The following COL7A1 variants were observed in gnomAD, a reference collection of about 807,000 sequenced individuals.
COL7A1 encodes the protein collagen alpha-1(VII) chain.
A neutral mutation model predicts 456.2 loss-of-function variants in COL7A1; 296 were observed. The observed-to-expected ratio is 0.65, with a 90% CI of 0.59 to 0.71. The LOEUF (loss-of-function observed/expected upper bound fraction) is 0.71, where lower values mean the gene tolerates loss of function less well. Among genes scored for constraint, COL7A1 ranks in the 30% least tolerant of loss-of-function variants. COL7A1 has a pLI of 0.00. For missense variants in COL7A1, 3,441 were observed against 4,017.2 expected (o/e 0.86, Z 3.88); for synonymous variants, 1,464 against 1,525.9 (o/e 0.96, Z 0.95).
Position 48,565,668 on chromosome 3 carries a change from G to A in COL7A1, c.8408C>T (p.Ala2803Val). The part of the protein sequence containing the change: ...FVRQEMSQHC[A>V]CQGQFIASGS... ...AGATGCGATGAACTGGCCCTGGCAGGCTAGAGGGGGCAGAGAGGGATAGAG... is the reference window on the plus strand; with the variant it reads ...AGATGCGATGAACTGGCCCTGGCAGACTAGAGGGGGCAGAGAGGGATAGAG... The change falls in exon 115 of 119, where the codon GCC becomes GTC. Residue 2803 changes from alanine to valine, a missense_variant and splice_region_variant. Coordinates refer to ENST00000681320, the MANE Select transcript of COL7A1 (RefSeq NM_000094.4). The surrounding 1 kb of genome is among the most constrained non-coding windows in gnomAD (Gnocchi z 4.5). 1 of 1,613,048 alleles carries A rather than the reference G, an allele frequency of 6.2e-7. No homozygotes were observed. The highest frequency in any genetic ancestry group is 8.5e-7 in the Non-Finnish European group (1 of 1,179,550).
At position 48,592,927 on chromosome 3, in the gene COL7A1, T is replaced by C; in HGVS notation, c.694A>G (p.Thr232Ala). ...VPVTRPPDDS[T>A]SAPRDLVLSE... The stretch of plus-strand genomic sequence containing the variant: ...AGCACCAGGTCTCGTGGAGCAGAGG[T>C]CGAGTCATCCGCTGGGAATGCGGGA... Residue 232 changes from threonine (T) to alanine (A), a missense_variant, in exon 7 of 119, where the codon ACC (threonine) becomes GCC (alanine). Transcript: ENST00000681320. This position sits in a 1 kb window ranked among gnomAD's most constrained non-coding sequence, Gnocchi z 7.6. 5 of 1,613,634 alleles carry C rather than the reference T, an allele frequency of 3.1e-6. No individual in the cohort carries two copies. The highest frequency in any genetic ancestry group is 4.2e-6 in the Non-Finnish European group (5 of 1,179,920).
Position 48,594,327 on chromosome 3 carries a change from T to C in COL7A1, c.266+41A>G. On this transcript the variant is annotated intron_variant, in intron 3 of 118. Transcript: ENST00000681320. The surrounding 1 kb of genome is among the most constrained non-coding windows in gnomAD (Gnocchi z 5.5). ...TCCCTCTCTGGGGAAGGAGTCTTGG[T>C]GGGGATCTCGTGGTCCCCAGCCCCC... 6.2e-7 allele frequency: 1 copy of C among 1,601,156 alleles called. No homozygotes were observed. Among genetic ancestry groups the C allele is most frequent in the Non-Finnish European group, 8.5e-7 (1 of 1,176,908 alleles).
chr3:48,565,595 GC>G lies in COL7A1; in HGVS notation c.8440+40del. Reference sequence around the variant, plus strand: ...GACCCCAGTTGATAGGCAGGGCAGGGCCTGGGGTGAAGAAAGTTCTGGGAGT... The same window carrying G: ...GACCCCAGTTGATAGGCAGGGCAGGGCTGGGGTGAAGAAAGTTCTGGGAGT... On this transcript the variant is annotated intron_variant, in intron 115 of 118. Transcript: ENST00000681320. The surrounding 1 kb of genome is among the most constrained non-coding windows in gnomAD (Gnocchi z 4.5). The G allele has an allele frequency of 6.2e-7, 1 of 1,614,124 alleles. No homozygotes were observed. Among genetic ancestry groups the G allele is most frequent in the South Asian group, 1.1e-5 (1 of 91,070 alleles).
In COL7A1 at chr3:48,576,236, A is replaced by T. The variant is rs377321753; in HGVS notation, c.5820+13T>A. 7 of 1,613,390 alleles carry T rather than the reference A, an allele frequency of 4.3e-6. No individual in the cohort carries two copies. The African/African-American group carries it at 9.3e-5, about 22-fold the overall frequency. On this transcript the variant is annotated intron_variant, in intron 71 of 118. Coordinates refer to ENST00000681320, the MANE Select transcript of COL7A1 (RefSeq NM_000094.4). ...CAAAACAGAGTCAAGGGGACATCCC[A>T]AGCCTGGCTCACCGGCACACTTCCA...
chr3:48,567,564 G>C lies in COL7A1; in HGVS notation c.8046+10C>G. On this transcript the variant is annotated intron_variant, in intron 109 of 118. Coordinates refer to ENST00000681320, the MANE Select transcript of COL7A1 (RefSeq NM_000094.4). This position sits in a 1 kb window ranked among gnomAD's most constrained non-coding sequence, Gnocchi z 4.3. ...CTCCCTGTCATGTCCACTGTCCACA[G>C]ACCCTGTACCTTGGGACCGATCAGG... 6.2e-7 allele frequency: 1 copy of C among 1,614,102 alleles called. No individual in the cohort carries two copies. The highest frequency in any genetic ancestry group is 1.3e-5 in the African/African-American group (1 of 75,018).
chr3:48,588,808 G>A lies in COL7A1; in HGVS notation c.2441-20C>T, dbSNP rs752010882. ...GGCCGCCTGGCCAGGTGGGCATACA[G>A]CAATGGTTAGGGGTGAGCAGTCCCA... On this transcript the variant is annotated intron_variant, in intron 19 of 118. Coordinates refer to ENST00000681320, the MANE Select transcript of COL7A1 (RefSeq NM_000094.4). The surrounding 1 kb of genome is among the most constrained non-coding windows in gnomAD (Gnocchi z 4.6). The A allele has an allele frequency of 1.2e-6, 2 of 1,613,618 alleles. No homozygotes were observed. The highest frequency in any genetic ancestry group is 2.2e-5 in the South Asian group (2 of 91,092).
In COL7A1 at chr3:48,569,487, G is replaced by A. The variant is rs976812521; in HGVS notation, c.7615-41C>T. On this transcript the variant is annotated intron_variant, in intron 102 of 118. Coordinates refer to ENST00000681320, the MANE Select transcript of COL7A1 (RefSeq NM_000094.4). The surrounding 1 kb of genome is among the most constrained non-coding windows in gnomAD (Gnocchi z 4.9). The stretch of plus-strand genomic sequence containing the variant: ...TAAGAAGTCACGGTAAGGGGCTGAA[G>A]GTCCCTCACCCTCTGGGAGTTTGAG... The A allele has an allele frequency of 1.8e-5, 29 of 1,612,934 alleles. No individual in the cohort carries two copies. The highest frequency in any genetic ancestry group is 6.7e-5 in the Admixed American group (4 of 60,026).
In COL7A1 at chr3:48,586,671, T is replaced by C. The variant is rs748846808; in HGVS notation, c.3295A>G (p.Ser1099Gly). Residue 1099 changes from serine to glycine, a missense_variant, in exon 26 of 119, where the codon AGT becomes GGT. By Grantham distance (56) the Ser-to-Gly change is moderately conservative. Coordinates refer to ENST00000681320, the MANE Select transcript of COL7A1 (RefSeq NM_000094.4). This position sits in a 1 kb window ranked among gnomAD's most constrained non-coding sequence, Gnocchi z 5.1. ...QAVQVGLLSY[S>G]HRPSPLFPLN... ...GGGAACAGTGGGGAGGGCCGATGAC[T>C]GTAAGACAGCAGGCCAACCTGGGGT... 3 of 1,601,416 alleles carry C rather than the reference T, an allele frequency of 1.9e-6. No homozygotes were observed.
At position 48,573,344 on chromosome 3, in the gene COL7A1, TC is replaced by T; in HGVS notation, c.6622del (p.Glu2208SerfsTer12). On this transcript the variant is annotated frameshift_variant, in exon 84 of 119. Transcript: ENST00000681320. LOFTEE classifies it high-confidence loss of function. The surrounding 1 kb of genome is among the most constrained non-coding windows in gnomAD (Gnocchi z 5.5). ...GPQGPSGLKGEPGETGPPGRG... is the reference protein window; with the variant it reads ...GPQGPSGLKGXPGETGPPGRG... ...TCCTGGAGGTCCTGTCTCTCCAGGC[TC>T]CCCCTGCAAACAACCCAGAGACTGC... The T allele has an allele frequency of 6.2e-7, 1 of 1,613,712 alleles. No individual in the cohort carries two copies. The highest frequency in any genetic ancestry group is 8.5e-7 in the Non-Finnish European group (1 of 1,179,958).
At position 48,581,137 on chromosome 3, in the gene COL7A1, AC is replaced by A. The variant is rs1057517722; in HGVS notation, c.4919del (p.Gly1640ValfsTer70). The A allele has an allele frequency of 1.4e-5, 23 of 1,613,720 alleles. No individual in the cohort carries two copies. The highest frequency in any genetic ancestry group is 1.9e-5 in the Non-Finnish European group (22 of 1,179,968). On this transcript the variant is annotated frameshift_variant, in exon 53 of 119. Transcript: ENST00000681320. LOFTEE classifies it high-confidence loss of function. The surrounding 1 kb of genome is among the most constrained non-coding windows in gnomAD (Gnocchi z 5.8). Reference protein sequence around the residue: ...RGRDGEVGEKGDEGPPGDPGL... With the variant: ...RGRDGEVGEKXDEGPPGDPGL... Reference sequence around the variant, plus strand: ...GGAGTCTCACCGGAGGACCCTCGTCACCTTTCTCTCCAACTTCACCCTGTGA... The same window carrying A: ...GGAGTCTCACCGGAGGACCCTCGTCACTTTCTCTCCAACTTCACCCTGTGA...
At chr3:48,595,046 C>A in intron 2 of COL7A1, 29 bp downstream of exon 2, 1 of 1,532,400 alleles carries the variant, frequency 6.5e-7, no homozygotes, top group East Asian at 2.5e-5. Context: ...TGCAGTGCCC[C>A]GGGCCGGGTC....
chr3:48,575,787 G>A lies in COL7A1; in HGVS notation c.5857-39C>T, dbSNP rs750754999. The stretch of plus-strand genomic sequence containing the variant: ...AGAGGTCAGAGGAGCGGGGTGCGTC[G>A]CCGCAGCCCCTATGCCTGTGGGCAC... On this transcript the variant is annotated intron_variant, in intron 72 of 118. Coordinates refer to ENST00000681320, the MANE Select transcript of COL7A1 (RefSeq NM_000094.4). The surrounding 1 kb of genome is among the most constrained non-coding windows in gnomAD (Gnocchi z 6.3). The A allele has an allele frequency of 1.4e-5, 23 of 1,613,854 alleles. No homozygotes were observed. Among genetic ancestry groups the A allele is most frequent in the Non-Finnish European group, 1.7e-5 (20 of 1,180,008 alleles).
In COL7A1 at chr3:48,573,847, GTACTCACCAC is replaced by G; in HGVS notation, c.6535_6537+7del. 6.2e-7 allele frequency: 1 copy of G among 1,613,974 alleles called. No homozygotes were observed. The highest frequency in any genetic ancestry group is 8.5e-7 in the Non-Finnish European group (1 of 1,179,994). On this transcript the variant is annotated splice_donor_variant and splice_donor_5th_base_variant and coding_sequence_variant and intron_variant, in exon 81 of 119. Transcript: ENST00000681320. LOFTEE classifies it high-confidence loss of function. The surrounding 1 kb of genome is among the most constrained non-coding windows in gnomAD (Gnocchi z 5.5). Reference sequence around the variant, plus strand: ...GGGCAAGACAGGTGAAGGTTCTTGGGTACTCACCACTGGGCCAGGGGGGCCTCTTGGACCC... The same window carrying G: ...GGGCAAGACAGGTGAAGGTTCTTGGGTGGGCCAGGGGGGCCTCTTGGACCC...
Position 48,579,484 on chromosome 3 carries a change from G to T in COL7A1, c.5267C>A (p.Pro1756Gln). The part of the protein sequence containing the change: ...GIEGFRGPPG[P>Q]QGDPGVRGPA... Reference sequence around the variant, plus strand: ...GGGGCAAAGTGCATCACTCACCTGTGGGCCTGGGGGTCCCCGAAACCCTTC... The same window carrying T: ...GGGGCAAAGTGCATCACTCACCTGTTGGCCTGGGGGTCCCCGAAACCCTTC... The change falls in exon 60 of 119, where the codon CCA becomes CAA. Residue 1756 changes from proline (P) to glutamine (Q), a missense_variant. By Grantham distance (76) the Pro-to-Gln change is moderately conservative. This residue lies in a region of COL7A1 where 2,084 missense variants were observed against 2,501.3 expected (regional missense o/e 0.83). Transcript: ENST00000681320. The surrounding 1 kb of genome is among the most constrained non-coding windows in gnomAD (Gnocchi z 4.4). 6.2e-7 allele frequency: 1 copy of T among 1,614,118 alleles called. No individual in the cohort carries two copies. Among genetic ancestry groups the T allele is most frequent in the Non-Finnish European group, 8.5e-7 (1 of 1,180,022 alleles).
chr3:48,565,588 G>C lies in COL7A1; in HGVS notation c.8440+48C>G, dbSNP rs771863426. ...CTGAGAGGACCCCAGTTGATAGGCA[G>C]GGCAGGGCCTGGGGTGAAGAAAGTT... is the stretch of plus-strand genomic sequence containing the variant. On this transcript the variant is annotated intron_variant, in intron 115 of 118. Coordinates refer to ENST00000681320, the MANE Select transcript of COL7A1 (RefSeq NM_000094.4). This position sits in a 1 kb window ranked among gnomAD's most constrained non-coding sequence, Gnocchi z 4.5. 5.0e-6 allele frequency: 8 copies of C among 1,613,982 alleles called. No individual in the cohort carries two copies. In the South Asian group the frequency reaches 6.6e-5, roughly 13 times the overall value.
chr3:48,591,154 A>G lies in COL7A1; in HGVS notation c.1636+310T>C, dbSNP rs115568792. ...GGTCAGTGCTGGATGGGGACATGCA[A>G]TGAGAGGTTGGTGTACAGTGGTCAC... On this transcript the variant is annotated intron_variant, in intron 13 of 118. Coordinates refer to ENST00000681320, the MANE Select transcript of COL7A1 (RefSeq NM_000094.4). The surrounding 1 kb of genome is among the most constrained non-coding windows in gnomAD (Gnocchi z 7.0). 1.5e-3 allele frequency among the ~76,000 whole-genome samples: 235 copies of G among 152,240 alleles called. No homozygotes were observed. The highest frequency in any genetic ancestry group is 5.1e-3 in the African/African-American group (212 of 41,544).
Position 48,579,289 on chromosome 3 carries a change from A to ATC in COL7A1, c.5308-13_5308-12insGA. The ATC allele has an allele frequency of 6.2e-7, 1 of 1,614,136 alleles. No homozygotes were observed. Among genetic ancestry groups the ATC allele is most frequent in the South Asian group, 1.1e-5 (1 of 91,080 alleles). On this transcript the variant is annotated splice_polypyrimidine_tract_variant and intron_variant, in intron 61 of 118. Coordinates refer to ENST00000681320, the MANE Select transcript of COL7A1 (RefSeq NM_000094.4). This position sits in a 1 kb window ranked among gnomAD's most constrained non-coding sequence, Gnocchi z 4.4. ...GGACCCCGGTCACCCTGTGGAAAAT[A>ATC]GAGTGGTAAGAGGCCACCAAGGCTG...
Position 48,586,814 on chromosome 3 carries a change from T to C in COL7A1, c.3277-125A>G, listed in dbSNP as rs1369228267. ...CTATCTATTAGGGAGTCAGCAGTGA[T>C]GGCAGGATAGGGAGCCAGGCAGTAG... On this transcript the variant is annotated intron_variant, in intron 25 of 118. Coordinates refer to ENST00000681320, the MANE Select transcript of COL7A1 (RefSeq NM_000094.4). This position sits in a 1 kb window ranked among gnomAD's most constrained non-coding sequence, Gnocchi z 5.1. 4 of 1,506,068 alleles carry C rather than the reference T, an allele frequency of 2.7e-6. No homozygotes were observed. The East Asian group carries it at 7.4e-5, about 28-fold the overall frequency. The allele number at this position is 1,506,068 out of a possible 1,614,324, so 93.3% of individuals were successfully genotyped here.
Position 48,587,337 on chromosome 3 carries a change from C to T in COL7A1, c.2993-1G>A, listed in dbSNP as rs752277081. On this transcript the variant is annotated splice_acceptor_variant, in intron 23 of 118. Transcript: ENST00000681320. LOFTEE classifies it high-confidence loss of function. The surrounding 1 kb of genome is among the most constrained non-coding windows in gnomAD (Gnocchi z 6.1). ...AGTGTCTGCGGGGACCCAGGCACTT[C>T]TGCAGGAGACAGAACTTGATTAAAA... The T allele has an allele frequency of 6.2e-7, 1 of 1,605,956 alleles. No homozygotes were observed. The highest frequency in any genetic ancestry group is 8.5e-7 in the Non-Finnish European group (1 of 1,176,314).
Sources: gnomAD v4.1 joint callset for allele counts (sites outside exome capture counted in the v4.1 genomes callset) on GRCh38, gnomAD v4.1.1 for gene constraint, gnomAD v4.1.1 regional missense constraint, Gnocchi (gnomAD v3.1) non-coding constraint, MANE v1.5 for transcripts, NCBI Gene and HGNC (gene_info 2026-07-23, HGNC 2026-07-21) for gene names.